Variants in SSH2 observed in about 807,000 individuals in gnomAD.
SSH2 encodes the protein slingshot protein phosphatase 2.
In SSH2, 37 loss-of-function variants were observed where a neutral mutation model predicts 135.2. That is an observed-to-expected ratio of 0.27 (90% CI 0.21 to 0.36). SSH2 has a LOEUF of 0.36. Ranked by LOEUF, SSH2 falls within the 10% of genes least tolerant of loss-of-function variation. The pLI is 1.00. For missense variants in SSH2, 1,408 were observed against 1,765.3 expected, an observed-to-expected ratio of 0.80 and a Z score of 3.63; for synonymous variants, 628 against 646.2, an observed-to-expected ratio of 0.97 and a Z score of 0.43.
chr17:29,723,934 T>C (rs765114864), intron 3 of SSH2, among the ~76,000 whole-genome samples: 1 of 152,222 alleles, frequency 6.6e-6, no homozygotes, highest in Non-Finnish European at 1.5e-5. Context: ...GATACTCCCA[T>C]ACATCTACCT....
intron 3 of SSH2, among the ~76,000 whole-genome samples, chr17:29,780,876 G>A (rs1598987656): frequency 6.6e-6 from 1 of 151,746 alleles, no homozygotes; most frequent in Non-Finnish European, 1.5e-5. Context: ...GCAGTGGCAC[G>A]ATCTCGGCTC....
chr17:29,911,870 TTC>T (rs2066771815), intron 1 of SSH2, among the ~76,000 whole-genome samples: 1 of 152,240 alleles, frequency 6.6e-6, no homozygotes, highest in Non-Finnish European at 1.5e-5. Flanking sequence ...CTCAGATATG[TTC>T]TGTTTAGCCT....
At chr17:29,761,069 C>G in intron 3 of SSH2, 1 of 1,270,450 alleles carries the variant, frequency 7.9e-7, no homozygotes, top group Non-Finnish European at 1.0e-6. Context: ...TGTTTGCTCC[C>G]CAGGATGCTG....
At chr17:29,675,323 C>T (rs957032805) in intron 8 of SSH2, among the ~76,000 whole-genome samples, 9 of 152,090 alleles carry the variant, frequency 5.9e-5, no homozygotes, top group Admixed American at 5.9e-4. Context: ...TTTTCAGGCT[C>T]TTTTATTTCT....
At chr17:29,882,714 TG>T in intron 1 of SSH2, among the ~76,000 whole-genome samples, 1 of 152,214 alleles carries the variant, frequency 6.6e-6, no homozygotes, top group Middle Eastern at 3.4e-3. Context: ...ATCGCACCAC[TG>T]CACTCTAGCC....
chr17:29,770,104 T>TG (rs1567963125), intron 3 of SSH2, among the ~76,000 whole-genome samples: 55 of 148,476 alleles, frequency 3.7e-4, no homozygotes, highest in South Asian at 6.4e-4. Context: ...TTTTTTTTTT[T>TG]TTTTTTTTTT....
chr17:29,781,782 A>G (rs993176175), intron 3 of SSH2, among the ~76,000 whole-genome samples: 8 of 150,510 alleles, frequency 5.3e-5, no homozygotes, highest in Non-Finnish European at 1.2e-4. Flanking sequence ...CCAGCCCAAT[A>G]ACTTTTTTTC....
At chr17:29,747,535 CT>C (rs2040802314) in intron 3 of SSH2, among the ~76,000 whole-genome samples, 1 of 152,194 alleles carries the variant, frequency 6.6e-6, no homozygotes, top group Admixed American at 6.5e-5. Context: ...TGGCTACACC[CT>C]TTCCAAATTA....
At chr17:29,914,074 G>A (rs142371810) in intron 1 of SSH2, among the ~76,000 whole-genome samples, 7 of 152,276 alleles carry the variant, frequency 4.6e-5, no homozygotes, top group African/African-American at 1.7e-4. Flanking sequence ...CAGTCCTAGT[G>A]AAGGGTTTAG....
chr17:29,783,836 G>A lies in SSH2; in HGVS notation c.188+10058C>T, dbSNP rs967967734. Among the ~76,000 whole-genome samples the A allele has an allele frequency of 5.3e-5, 8 of 151,698 alleles. 1 individual carries two copies. The highest frequency in any genetic ancestry group is 1.9e-4 in the African/African-American group (8 of 41,276). ...AATCCCAGCACTTTGGGAGGCCGAG[G>A]CGGGCGGATCACGAGGTCAGGAGAT... On this transcript the variant is annotated intron_variant, in intron 3 of 15. Coordinates refer to ENST00000540801, the MANE Select transcript of SSH2 (RefSeq NM_001282129.2).
At chr17:29,714,631 A>C (rs548983041) in intron 3 of SSH2, among the ~76,000 whole-genome samples, 113 of 116,604 alleles carry the variant, frequency 9.7e-4, no homozygotes, top group South Asian at 3.7e-3. Flanking sequence ...ATGAACATCC[A>C]ACAACTTTGT....
intron 2 of SSH2, among the ~76,000 whole-genome samples, chr17:29,798,226 G>A (rs932640487): frequency 6.6e-6 from 1 of 151,958 alleles, no homozygotes; most frequent in African/African-American, 2.4e-5. Flanking sequence ...CCAGGCTGGA[G>A]TGCAGTGGTG....
chr17:29,781,473 C>CTTTTTTAT (rs2041838587), intron 3 of SSH2, among the ~76,000 whole-genome samples: 1 of 81,840 alleles, frequency 1.2e-5, no homozygotes, highest in Non-Finnish European at 2.3e-5. Flanking sequence ...CCTGTGTTTT[C>CTTTTTTAT]TTTTTTTTTT....
intron 3 of SSH2, among the ~76,000 whole-genome samples, chr17:29,728,469 C>T (rs1010803854): frequency 6.6e-6 from 1 of 152,128 alleles, no homozygotes; most frequent in African/African-American, 2.4e-5. Flanking sequence ...AATGTCTATA[C>T]TACACAAAAC....
intron 1 of SSH2, among the ~76,000 whole-genome samples, chr17:29,927,396 C>G (rs1382211695): frequency 6.6e-6 from 1 of 152,150 alleles, no homozygotes; most frequent in Non-Finnish European, 1.5e-5. Flanking sequence ...GTCACTCACA[C>G]CTAGCATATT....
intron 5 of SSH2, among the ~76,000 whole-genome samples, chr17:29,690,250 A>G (rs553094366): frequency 6.6e-6 from 1 of 150,638 alleles, no homozygotes; most frequent in African/African-American, 2.4e-5. Context: ...CTAAAAATAC[A>G]AAAAATTAGC....
chr17:29,811,954 T>C (rs571596015), intron 2 of SSH2, among the ~76,000 whole-genome samples: 42 of 152,258 alleles, frequency 2.8e-4, no homozygotes, highest in Admixed American at 2.3e-3. Flanking sequence ...TATTTTAATT[T>C]ACATTTAAAT....
At chr17:29,745,888 T>C (rs2040743617) in intron 3 of SSH2, among the ~76,000 whole-genome samples, 1 of 152,206 alleles carries the variant, frequency 6.6e-6, no homozygotes, top group Admixed American at 6.5e-5. Flanking sequence ...AATGATGAAC[T>C]CTGGAGCTCA....
At chr17:29,665,332 C>A (rs183215925) in intron 11 of SSH2, among the ~76,000 whole-genome samples, 1 of 152,308 alleles carries the variant, frequency 6.6e-6, no homozygotes, top group African/African-American at 2.4e-5. Context: ...CCCCTCCCAA[C>A]TCACAGCTTT....
Sources: allele counts gnomAD v4.1 joint callset (sites outside exome capture counted in the v4.1 genomes callset), GRCh38; gene constraint gnomAD v4.1.1; transcripts MANE v1.5; gene names NCBI Gene and HGNC (gene_info 2026-07-23, HGNC 2026-07-21).